ABL2: variants seen among roughly 807,000 people sequenced by gnomAD.
ABL2 encodes the protein ABL proto-oncogene 2, non-receptor tyrosine kinase, also known as tyrosine-protein kinase ABL2.
In ABL2, 49 loss-of-function variants were observed where a neutral mutation model predicts 107.7. That is an observed-to-expected ratio of 0.45 (90% confidence interval 0.36 to 0.58). The LOEUF (loss-of-function observed/expected upper bound fraction) is 0.58. ABL2 is among the 20% of genes least tolerant of loss of function. The pLI, the probability that ABL2 is intolerant of heterozygous loss-of-function variation, is 0.00. For synonymous variants in ABL2, 549 were observed against 548.6 expected (o/e 1.00, Z -0.01); for missense variants, 1,245 against 1,457.0 (o/e 0.85, Z 2.37).
At chr1:179,225,302 G>A (rs1663128552) in intron 1 of ABL2, among the ~76,000 whole-genome samples, 1 of 152,118 alleles carries the variant, frequency 6.6e-6, no homozygotes, top group African/African-American at 2.4e-5. Context: ...TTAACTAAAT[G>A]TATTATTTGG....
chr1:179,116,451 A>C (rs1654628297), intron 8 of ABL2, among the ~76,000 whole-genome samples: 1 of 152,198 alleles, frequency 6.6e-6, no homozygotes, highest in Non-Finnish European at 1.5e-5. Context: ...CAATGCAATA[A>C]GAGATCTAGA....
At chr1:179,191,203 A>G (rs1416821285) in intron 1 of ABL2, among the ~76,000 whole-genome samples, 10 of 152,226 alleles carry the variant, frequency 6.6e-5, no homozygotes. Context: ...TCTTCCCAGT[A>G]CTTTATATTC....
chr1:179,124,447 T>C (rs1222222387), intron 4 of ABL2, among the ~76,000 whole-genome samples: 1 of 145,372 alleles, frequency 6.9e-6, no homozygotes, highest in Admixed American at 7.0e-5. Flanking sequence ...ACTTCTAACA[T>C]CTTAGATTAG....
chr1:179,115,928 T>C (rs1216253138), intron 8 of ABL2, among the ~76,000 whole-genome samples: 1 of 152,136 alleles, frequency 6.6e-6, no homozygotes, highest in South Asian at 2.1e-4. Flanking sequence ...AATTTCCAGA[T>C]TGTTCAGTCT....
Position 179,108,705 on chromosome 1 carries a change from G to A in ABL2, c.2562C>T (p.Pro854=), listed in dbSNP as rs758730762. The stretch of plus-strand genomic sequence containing the variant: ...TGAGAGGAAGAGCTGTGGCTCCTCT[G>A]GGCAATAACTTGGCTTTTGGTCTCT... ...SRERPKAKLL[P]RGATALPLRT... is the part of the protein sequence containing the mutation. The change falls in exon 12 of 12, where the codon CCC becomes CCT. Residue 854 remains proline (P), a synonymous_variant. Coordinates refer to ENST00000502732, the MANE Select transcript of ABL2 (RefSeq NM_007314.4). The A allele has an allele frequency of 1.2e-6, 2 of 1,614,148 alleles. No homozygotes were observed. The highest frequency in any genetic ancestry group is 1.6e-4 in the Middle Eastern group (1 of 6,062).
intron 1 of ABL2, among the ~76,000 whole-genome samples, chr1:179,178,625 C>T (rs1660194663): frequency 6.6e-6 from 1 of 152,092 alleles, no homozygotes; most frequent in Non-Finnish European, 1.5e-5. Context: ...CATGGTGGCT[C>T]ATGCCTGTAA....
rs1360837446 is a variant in ABL2 at position 179,108,978 on chromosome 1, TAAGCCC to T, written c.2283_2288del (p.Gly762_Leu763del). 1 of 1,614,140 alleles carries T rather than the reference TAAGCCC, an allele frequency of 6.2e-7. No homozygotes were observed. On this transcript the variant is annotated inframe_deletion, in exon 12 of 12. Transcript: ENST00000502732. ...CACTGGCTGTGGGTTTACCTGCTCGTAAGCCCAGTGTCTTTTTGATTAAGCGTGGTG... is the reference window on the plus strand; with the variant it reads ...CACTGGCTGTGGGTTTACCTGCTCGTAGTGTCTTTTTGATTAAGCGTGGTG...
intron 1 of ABL2, among the ~76,000 whole-genome samples, chr1:179,136,443 A>G (rs957288523): frequency 6.6e-6 from 1 of 152,176 alleles, no homozygotes; most frequent in African/African-American, 2.4e-5. Context: ...CATGTGCTGC[A>G]TCCACTCAGG....
rs540402752 is a variant in ABL2, at chr1:179,119,558, G to GA, written c.1045+631dup. Among the ~76,000 whole-genome samples the GA allele has an allele frequency of 9.7e-3, 1,179 of 121,408 alleles. 10 individuals carry two copies. Among genetic ancestry groups the GA allele is most frequent in the African/African-American group, 0.027 (907 of 33,136 alleles). The allele number at this position is 121,408 out of a possible 152,430, so 79.6% of individuals were successfully genotyped here. A position where few individuals can be genotyped will look rare whatever the true frequency, so the allele number is the denominator to read the frequency against. On this transcript the variant is annotated intron_variant, in intron 6 of 11. Coordinates refer to ENST00000502732, the MANE Select transcript of ABL2 (RefSeq NM_007314.4). ...ACCCCCCACACCCCCCCAAAAAAAA[G>GA]AAAAAAAAAAAAACCTGGCCCTATT...
chr1:179,221,639 G>A lies in ABL2; in HGVS notation c.157+7602C>T, dbSNP rs116821695. 1,318 of 194,608 alleles carry A rather than the reference G, an allele frequency of 6.8e-3. 16 individuals are homozygous for A. The highest frequency in any genetic ancestry group is 0.03 in the African/African-American group (1,255 of 42,460). The allele number at this position is 194,608 out of a possible 1,614,324, so 12.1% of individuals were successfully genotyped here. A position where few individuals can be genotyped will look rare whatever the true frequency, so the allele number is the denominator to read the frequency against. On this transcript the variant is annotated intron_variant, in intron 1 of 11. Transcript: ENST00000502732. ...TTATGGCATTCAGGTGGGTAACTGAGTTTTGCCCCATTGCCAACTACATCA... is the reference window on the plus strand; with the variant it reads ...TTATGGCATTCAGGTGGGTAACTGAATTTTGCCCCATTGCCAACTACATCA...
At chr1:179,171,173 A>G (rs1226019755) in intron 1 of ABL2, among the ~76,000 whole-genome samples, 2 of 152,224 alleles carry the variant, frequency 1.3e-5, no homozygotes, top group East Asian at 3.9e-4. Context: ...TGCAGTTCTG[A>G]TATGACTGGT....
intron 8 of ABL2, among the ~76,000 whole-genome samples, chr1:179,116,160 G>A (rs774225400): frequency 1.3e-5 from 2 of 152,190 alleles, no homozygotes; most frequent in African/African-American, 4.8e-5. Context: ...GATCATTTGA[G>A]GTCAGGAGTT....
chr1:179,187,396 A>T (rs542797030), intron 1 of ABL2, among the ~76,000 whole-genome samples: 93 of 152,364 alleles, frequency 6.1e-4, no homozygotes, highest in African/African-American at 2.2e-3. Flanking sequence ...TATACATTGG[A>T]GAAACCAAAG....
At chr1:179,110,200 A>G in intron 11 of ABL2, 82 bp downstream of exon 11, 1 of 1,512,392 alleles carries the variant, frequency 6.6e-7, no homozygotes, top group Admixed American at 1.8e-5. Context: ...CGGGCATGAA[A>G]GTGGACATAA....
intron 10 of ABL2, among the ~76,000 whole-genome samples, chr1:179,111,251 G>C (rs896022448): frequency 1.3e-5 from 2 of 149,598 alleles, no homozygotes. Flanking sequence ...CAAAGTGCTG[G>C]GATTACAGGT....
rs1653446044 is a variant in ABL2, at chr1:179,105,993, TTAAA to T, written c.*1721_*1724del. 1 of 221,094 alleles carries T rather than the reference TTAAA, an allele frequency of 4.5e-6. No individual in the cohort carries two copies. Among genetic ancestry groups the T allele is most frequent in the Non-Finnish European group, 9.1e-6 (1 of 110,354 alleles). 13.7% of individuals were successfully genotyped at this position (221,094 alleles called of 1,614,324 possible). ...TTGAGAACATGTACTGTTACCTTAA[TTAAA>T]TAGATTAAGAGATGAGGCTGTGGTT... On this transcript the variant is annotated 3_prime_UTR_variant, in exon 12 of 12. Coordinates refer to ENST00000502732, the MANE Select transcript of ABL2 (RefSeq NM_007314.4).
At chr1:179,118,905 T>C (rs1331112792) in intron 6 of ABL2, 141 bp from the exon 7 acceptor site, 1 of 873,896 alleles carries the variant, frequency 1.1e-6, no homozygotes, top group African/African-American at 1.7e-5. Flanking sequence ...TTCTCTGAAA[T>C]TAATAAGCAA....
rs1390374644 is a variant in ABL2, at chr1:179,173,386, C to T, written c.158-40012G>A. ...TTTTTTTTTTTTTTTTTTTTTGAGACGGAATCTTGCTCTGTCACCAGGCTG... is the reference window on the plus strand; with the variant it reads ...TTTTTTTTTTTTTTTTTTTTTGAGATGGAATCTTGCTCTGTCACCAGGCTG... On this transcript the variant is annotated intron_variant, in intron 1 of 11. Coordinates refer to ENST00000502732, the MANE Select transcript of ABL2 (RefSeq NM_007314.4). Among the ~76,000 whole-genome samples, 8 of 98,676 alleles carry T rather than the reference C, an allele frequency of 8.1e-5. 1 individual carries two copies. The highest frequency in any genetic ancestry group is 8.0e-4 in the Admixed American group (6 of 7,532). 64.7% of individuals were successfully genotyped at this position (98,676 alleles called of 152,430 possible).
intron 1 of ABL2, chr1:179,184,476 C>T: frequency 1.1e-6 from 1 of 875,296 alleles, no homozygotes; most frequent in Non-Finnish European, 1.8e-6. Flanking sequence ...TGCAGGTGCT[C>T]ATATGTTAGG....
Sources: gnomAD v4.1 joint callset for allele counts (sites outside exome capture counted in the v4.1 genomes callset) on GRCh38, gnomAD v4.1.1 for gene constraint, MANE v1.5 for transcripts, NCBI Gene and HGNC (gene_info 2026-07-23, HGNC 2026-07-21) for gene names.